The following ZMYND8 variants were observed in gnomAD, a reference collection of about 807,000 sequenced individuals.
ZMYND8 encodes MYND-type zinc finger-containing chromatin reader ZMYND8.
Under a neutral mutation model 140.8 loss-of-function variants are expected in ZMYND8, and 37 were observed. That is an observed-to-expected ratio of 0.26 (90% CI 0.20 to 0.35). ZMYND8 has a LOEUF of 0.35. ZMYND8 is among the 10% of genes least tolerant of loss of function. ZMYND8 has a pLI of 1.00. For synonymous variants in ZMYND8, 592 were observed against 597.1 expected, an observed-to-expected ratio of 0.99 and a Z score of 0.12; for missense variants, 1,068 against 1,570.0, an observed-to-expected ratio of 0.68 and a Z score of 5.40.
intron 10 of ZMYND8, among the ~76,000 whole-genome samples, chr20:47,278,450 A>T (rs1207215148): frequency 6.6e-6 from 1 of 152,238 alleles, no homozygotes; most frequent in Non-Finnish European, 1.5e-5. Context: ...TCTGGACCCA[A>T]CACTGCCACG....
chr20:47,296,003 A>C (rs1436568673), intron 4 of ZMYND8, among the ~76,000 whole-genome samples: 2 of 152,124 alleles, frequency 1.3e-5, no homozygotes, highest in African/African-American at 4.8e-5. Flanking sequence ...TTGGTTGTCG[A>C]GGAAAAGGCC....
intron 19 of ZMYND8, among the ~76,000 whole-genome samples, chr20:47,222,513 G>A (rs541728458): frequency 1.1e-4 from 16 of 152,182 alleles, no homozygotes; most frequent in African/African-American, 3.9e-4. Context: ...TCCAGCCTGG[G>A]AGAAAGAGCG....
rs576977290 is a variant in ZMYND8, at chr20:47,218,975, C to T, written c.3484+1283G>A. Among the ~76,000 whole-genome samples the T allele has an allele frequency of 5.8e-4, 88 of 151,636 alleles. 1 individual carries two copies. Among genetic ancestry groups the T allele is most frequent in the Middle Eastern group, 3.5e-3 (1 of 286 alleles). ...CTCACGCCTGTAATCCCAGCACTTCCGGAGGCAGAGGCGGGAGGATCACTT... is the reference window on the plus strand; with the variant it reads ...CTCACGCCTGTAATCCCAGCACTTCTGGAGGCAGAGGCGGGAGGATCACTT... On this transcript the variant is annotated intron_variant, in intron 21 of 22. Transcript: ENST00000471951.
At chr20:47,251,134 G>A (rs2074135366) in intron 12 of ZMYND8, among the ~76,000 whole-genome samples, 1 of 152,100 alleles carries the variant, frequency 6.6e-6, no homozygotes, top group Admixed American at 6.5e-5. Context: ...CTCAAAGCAA[G>A]CAGAGACACT....
intron 3 of ZMYND8, among the ~76,000 whole-genome samples, chr20:47,303,789 T>C (rs2148128106): frequency 6.6e-6 from 1 of 152,206 alleles, no homozygotes; most frequent in African/African-American, 2.4e-5. Context: ...GCCGAGGTAC[T>C]GATCCTCCAA....
chr20:47,215,935 T>C (rs773582260), intron 21 of ZMYND8, among the ~76,000 whole-genome samples: 5 of 152,010 alleles, frequency 3.3e-5, no homozygotes, highest in Admixed American at 1.3e-4. Context: ...CACTTGGAGA[T>C]AGATGAGGAT....
Position 47,224,429 on chromosome 20 carries a change from G to A in ZMYND8, c.3144C>T (p.Cys1048=), listed in dbSNP as rs201673610. The A allele has an allele frequency of 5.5e-5, 89 of 1,614,220 alleles. 1 individual carries two copies. Among genetic ancestry groups the A allele is most frequent in the African/African-American group, 2.1e-4 (16 of 75,058 alleles). The change falls in exon 19 of 23, where the codon TGC becomes TGT. Residue 1048 remains cysteine, a synonymous_variant. Coordinates refer to ENST00000471951, the MANE Select transcript of ZMYND8 (RefSeq NM_001281775.3). Reference sequence around the variant, plus strand: ...AGATGGCCTCCTTCTTGCAGTTGGCGCACCACTGCTTCTTCTTGGTCTCAT... The same window carrying A: ...AGATGGCCTCCTTCTTGCAGTTGGCACACCACTGCTTCTTCTTGGTCTCAT... ...AVDETKKKQW[C]ANCKKEAIFY...
chr20:47,236,447 G>A lies in ZMYND8; in HGVS notation c.2735C>T (p.Ser912Leu). 6.2e-7 allele frequency: 1 copy of A among 1,613,488 alleles called. No homozygotes were observed. Among genetic ancestry groups the A allele is most frequent in the Middle Eastern group, 1.7e-4 (1 of 6,056 alleles). The change falls in exon 16 of 23, where the codon TCA (serine) becomes TTA (leucine). Residue 912 changes from serine to leucine, a missense_variant. Coordinates refer to ENST00000471951, the MANE Select transcript of ZMYND8 (RefSeq NM_001281775.3). ...STITLVTSTQ[S>L]SPLVTSSGSM... ...CCCCGAGCTGGTGACCAGGGGCGAT[G>A]ACTGTGTGCTGGTCACCAGGGTGAT...
At chr20:47,307,372 C>T (rs1029173384) in intron 3 of ZMYND8, among the ~76,000 whole-genome samples, 2 of 151,824 alleles carry the variant, frequency 1.3e-5, no homozygotes, top group East Asian at 1.9e-4. Context: ...GCAGGAGAAT[C>T]GCTTGAACCC....
At chr20:47,353,366 T>C (rs1282999519) in intron 1 of ZMYND8, 2 of 152,252 alleles carry the variant, frequency 1.3e-5, no homozygotes, top group East Asian at 1.9e-4. Context: ...CAATTGTTTC[T>C]TTCTGACTCA....
chr20:47,331,287 G>A (rs151196530), intron 2 of ZMYND8, among the ~76,000 whole-genome samples: 7 of 152,182 alleles, frequency 4.6e-5, no homozygotes, highest in African/African-American at 7.2e-5. Context: ...GAACAACTAC[G>A]AGGCCACTGT....
At chr20:47,272,049 TA>T (rs1359679377) in intron 11 of ZMYND8, among the ~76,000 whole-genome samples, 4 of 92,010 alleles carry the variant, frequency 4.3e-5, no homozygotes, top group East Asian at 3.2e-4. Context: ...TTCACAATTA[TA>T]AAAAAAGGGG....
chr20:47,223,459 C>T (rs575971338), intron 19 of ZMYND8, among the ~76,000 whole-genome samples: 56 of 151,812 alleles, frequency 3.7e-4, no homozygotes, highest in Admixed American at 3.2e-3. Context: ...GAGCCGAGAT[C>T]GTGTCACTGC....
Position 47,276,707 on chromosome 20 carries a change from T to C in ZMYND8, c.1087A>G (p.Met363Val). 1.9e-6 allele frequency: 3 copies of C among 1,614,022 alleles called. No homozygotes were observed. The highest frequency in any genetic ancestry group is 2.5e-6 in the Non-Finnish European group (3 of 1,180,010). ...TCCACGTAAACCTCCATCTCTTGCA[T>C]GGCACTGTTGAAGATGCTCTTAGTC... ...KKTKSIFNSA[M>V]QEMEVYVENI... is the part of the protein sequence containing the mutation. Residue 363 changes from methionine to valine, a missense_variant, in exon 11 of 23, where the codon ATG becomes GTG. Coordinates refer to ENST00000471951, the MANE Select transcript of ZMYND8 (RefSeq NM_001281775.3).
chr20:47,220,453 C>T (rs1439115231), intron 20 of ZMYND8, 129 bp from the exon 21 acceptor site: 12 of 787,884 alleles, frequency 1.5e-5, no homozygotes, highest in South Asian at 1.4e-4. Flanking sequence ...CTGCCTGGCA[C>T]GGTCAGGTGG....
At chr20:47,288,268 G>T (rs916187355) in intron 7 of ZMYND8, among the ~76,000 whole-genome samples, 1 of 152,064 alleles carries the variant, frequency 6.6e-6, no homozygotes, top group East Asian at 1.9e-4. Context: ...CACATCACTT[G>T]ACCTGCAGCC....
In ZMYND8 at chr20:47,217,291, A is replaced by C. The variant is rs188155906; in HGVS notation, c.3484+2967T>G. ...TACTCAGCCATTTTTGAGTTACAAC[A>C]ATTTTATAGGTGTCCACCTAAGTAT... On this transcript the variant is annotated intron_variant, in intron 21 of 22. Transcript: ENST00000471951. Among the ~76,000 whole-genome samples, 256 of 152,326 alleles carry C rather than the reference A, an allele frequency of 1.7e-3. 1 individual carries two copies. Among genetic ancestry groups the C allele is most frequent in the African/African-American group, 5.9e-3 (247 of 41,572 alleles).
intron 22 of ZMYND8, 36 bp downstream of exon 22, chr20:47,212,606 G>A (rs1006917071): frequency 5.0e-6 from 8 of 1,608,838 alleles, no homozygotes; most frequent in Non-Finnish European, 6.8e-6. Flanking sequence ...CCAGGAAGAA[G>A]CCCCGGCAGC....
chr20:47,253,702 C>T (rs1601299223), intron 12 of ZMYND8, among the ~76,000 whole-genome samples: 2 of 152,134 alleles, frequency 1.3e-5, no homozygotes, highest in Non-Finnish European at 2.9e-5. Flanking sequence ...CTTTCTAAAC[C>T]TTAGGGTCCA....
Sources: gnomAD v4.1 joint callset for allele counts (sites outside exome capture counted in the v4.1 genomes callset) on GRCh38, gnomAD v4.1.1 for gene constraint, MANE v1.5 for transcripts, NCBI Gene and HGNC (gene_info 2026-07-23, HGNC 2026-07-21) for gene names.